HS6ST3: variants seen among roughly 807,000 people sequenced by gnomAD.
The protein encoded by HS6ST3 is heparan sulfate 6-O-sulfotransferase 3, also known as heparan-sulfate 6-O-sulfotransferase 3.
A neutral mutation model predicts 36.7 loss-of-function variants in HS6ST3; 12 were observed. The observed-to-expected ratio is 0.33, with a 90% CI of 0.21 to 0.53. HS6ST3 has a LOEUF of 0.53. HS6ST3 is among the 20% of genes least tolerant of loss of function. The pLI is 0.95. For missense variants in HS6ST3, 584 were observed against 640.9 expected (o/e 0.91, Z 0.96); for synonymous variants, 240 against 257.5 (o/e 0.93, Z 0.65).
At chr13:96,297,986 C>T (rs1411980303) in intron 1 of HS6ST3, among the ~76,000 whole-genome samples, 1 of 152,052 alleles carries the variant, frequency 6.6e-6, no homozygotes, top group Non-Finnish European at 1.5e-5. Flanking sequence ...TTATTAAAAA[C>T]TATTTACAAA....
chr13:96,329,070 CT>C (rs1220958953), intron 1 of HS6ST3, among the ~76,000 whole-genome samples: 2 of 150,528 alleles, frequency 1.3e-5, no homozygotes, highest in South Asian at 2.1e-4. Flanking sequence ...ATTCTTCTCT[CT>C]TTTTTTCTTT....
At chr13:96,800,812 CCT>C (rs1046469373) in intron 1 of HS6ST3, among the ~76,000 whole-genome samples, 3 of 152,006 alleles carry the variant, frequency 2.0e-5, no homozygotes, top group Non-Finnish European at 4.4e-5. Flanking sequence ...TCAATTTCTC[CCT>C]CTTTTGTGCA....
chr13:96,449,348 C>T (rs938470676), intron 1 of HS6ST3, among the ~76,000 whole-genome samples: 2 of 152,196 alleles, frequency 1.3e-5, no homozygotes, highest in Non-Finnish European at 2.9e-5. Flanking sequence ...CAGGAAGATA[C>T]TGCCAAGGCG....
intron 1 of HS6ST3, among the ~76,000 whole-genome samples, chr13:96,690,162 A>C (rs1874911526): frequency 6.6e-6 from 1 of 152,098 alleles, no homozygotes; most frequent in Non-Finnish European, 1.5e-5. Context: ...AATAGCATGG[A>C]TGAATCTTTG....
chr13:96,271,627 A>T (rs1248313866), intron 1 of HS6ST3, among the ~76,000 whole-genome samples: 1 of 152,018 alleles, frequency 6.6e-6, no homozygotes, highest in Non-Finnish European at 1.5e-5. Context: ...CTAGAAACTT[A>T]CACTACTTTG....
Position 96,622,551 on chromosome 13 carries a change from G to GA in HS6ST3, c.708-209936dup, listed in dbSNP as rs142933281. Among the ~76,000 whole-genome samples, 859 of 152,292 alleles carry GA rather than the reference G, an allele frequency of 5.6e-3. 5 individuals are homozygous for GA. The highest frequency in any genetic ancestry group is 0.02 in the African/African-American group (811 of 41,564). On this transcript the variant is annotated intron_variant, in intron 1 of 1. Transcript: ENST00000376705. ...TAAGAATATGTGTGGGCTAACAACA[G>GA]AAAGTCAAGGAATAGAAAGGGTTTC...
At chr13:96,460,394 G>A (rs2055778299) in intron 1 of HS6ST3, among the ~76,000 whole-genome samples, 1 of 152,108 alleles carries the variant, frequency 6.6e-6, no homozygotes, top group South Asian at 2.1e-4. Flanking sequence ...AATTCTTTTA[G>A]TTTGGTAACT....
chr13:96,764,857 A>G (rs1483526289), intron 1 of HS6ST3, among the ~76,000 whole-genome samples: 1 of 151,922 alleles, frequency 6.6e-6, no homozygotes, highest in Non-Finnish European at 1.5e-5. Flanking sequence ...TGCCTGTTGC[A>G]TTTGTGGTTG....
intron 1 of HS6ST3, among the ~76,000 whole-genome samples, chr13:96,123,368 C>A (rs2053935378): frequency 6.6e-6 from 1 of 152,162 alleles, no homozygotes; most frequent in Non-Finnish European, 1.5e-5. Flanking sequence ...TTCTTACCAT[C>A]AACTGATGAG....
intron 1 of HS6ST3, among the ~76,000 whole-genome samples, chr13:96,657,029 ATG>A (rs2056628299): frequency 2.6e-5 from 3 of 115,622 alleles, no homozygotes; most frequent in Non-Finnish European, 5.5e-5. Flanking sequence ...GAGAGAAAGA[ATG>A]AGAATTTACA....
intron 1 of HS6ST3, among the ~76,000 whole-genome samples, chr13:96,700,215 A>T (rs1265391990): frequency 6.6e-6 from 1 of 152,226 alleles, no homozygotes; most frequent in Non-Finnish European, 1.5e-5. Flanking sequence ...CCCCACAATC[A>T]TGGCGGAAGG....
chr13:96,531,369 T>A (rs2056134821), intron 1 of HS6ST3, among the ~76,000 whole-genome samples: 2 of 152,146 alleles, frequency 1.3e-5, no homozygotes, highest in Non-Finnish European at 2.9e-5. Flanking sequence ...TCATTTATTG[T>A]TTTCACACAT....
chr13:96,801,385 A>T, intron 1 of HS6ST3, among the ~76,000 whole-genome samples: 1 of 152,116 alleles, frequency 6.6e-6, no homozygotes. Flanking sequence ...TTTAAGTCCT[A>T]TACACAGATG....
chr13:96,322,092 GACAA>G (rs377099891), intron 1 of HS6ST3, among the ~76,000 whole-genome samples: 47 of 152,058 alleles, frequency 3.1e-4, no homozygotes, highest in African/African-American at 1.1e-3. Flanking sequence ...AATGACCACA[GACAA>G]ACGTTTTCCT....
At chr13:96,692,083 T>C (rs1874979634) in intron 1 of HS6ST3, among the ~76,000 whole-genome samples, 1 of 152,134 alleles carries the variant, frequency 6.6e-6, no homozygotes, top group Non-Finnish European at 1.5e-5. Flanking sequence ...GATCGTTTGG[T>C]AATTAGGCAA....
At chr13:96,417,268 C>A (rs1483464891) in intron 1 of HS6ST3, among the ~76,000 whole-genome samples, 2 of 152,058 alleles carry the variant, frequency 1.3e-5, no homozygotes, top group Admixed American at 6.6e-5. Flanking sequence ...GTGCAAGGAG[C>A]TGGAGGTTTA....
chr13:96,715,531 T>A (rs1342355232), intron 1 of HS6ST3, among the ~76,000 whole-genome samples: 2 of 152,188 alleles, frequency 1.3e-5, no homozygotes, highest in African/African-American at 2.4e-5. Context: ...AAAATATTTC[T>A]GATTTAAAAT....
intron 1 of HS6ST3, among the ~76,000 whole-genome samples, chr13:96,770,944 C>T (rs892619285): frequency 1.3e-4 from 19 of 151,934 alleles, no homozygotes; most frequent in Non-Finnish European, 1.5e-5. Context: ...AGCAGGAGGC[C>T]TCTTTTAAAA....
chr13:96,436,966 ATT>A, intron 1 of HS6ST3, among the ~76,000 whole-genome samples: 1 of 151,050 alleles, frequency 6.6e-6, no homozygotes, highest in South Asian at 2.1e-4. Context: ...AAGGGCCTCC[ATT>A]TTTTTTTTCT....
Sources: gnomAD v4.1 joint callset for allele counts (sites outside exome capture counted in the v4.1 genomes callset) on GRCh38, gnomAD v4.1.1 for gene constraint, MANE v1.5 for transcripts, NCBI Gene and HGNC (gene_info 2026-07-23, HGNC 2026-07-21) for gene names.